The following PRKCQ variants were observed in gnomAD, a reference collection of about 807,000 sequenced individuals.
PRKCQ encodes protein kinase C theta, also known as protein kinase C theta type.
A neutral mutation model predicts 91.2 loss-of-function variants in PRKCQ; 41 were observed. That is an observed-to-expected ratio of 0.45 (90% CI 0.35 to 0.58). The LOEUF (loss-of-function observed/expected upper bound fraction) is 0.58, where lower values mean the gene tolerates loss of function less well. Ranked by LOEUF, PRKCQ falls within the 20% of genes least tolerant of loss-of-function variation. PRKCQ has a pLI of 0.00. For missense variants in PRKCQ, 673 were observed against 896.5 expected, an observed-to-expected ratio of 0.75 and a Z score of 3.18; for synonymous variants, 307 against 316.9, an observed-to-expected ratio of 0.97 and a Z score of 0.33.
intron 16 of PRKCQ, among the ~76,000 whole-genome samples, chr10:6,440,009 A>G (rs1337603128): frequency 6.6e-6 from 1 of 152,166 alleles, no homozygotes; most frequent in Non-Finnish European, 1.5e-5. Context: ...AGGTGATTGA[A>G]TCATGGGGGC....
chr10:6,462,307 A>T lies in PRKCQ; in HGVS notation c.1504T>A (p.Tyr502Asn). The T allele has an allele frequency of 6.2e-7, 1 of 1,613,584 alleles. No homozygotes were observed. Among genetic ancestry groups the T allele is most frequent in the Non-Finnish European group, 8.5e-7 (1 of 1,179,622 alleles). ...TTTCCACAAAGCAAAATTTACCTGT[A>T]GACTATTCCTTTGGAATGAAGGAAC... Reference protein sequence around the residue: ...LQFLHSKGIVYRDLKLDNILL... With the variant: ...LQFLHSKGIVNRDLKLDNILL... The change falls in exon 14 of 18, where the codon TAC becomes AAC. Residue 502 changes from tyrosine (Y) to asparagine (N), a missense_variant. Transcript: ENST00000263125.
At chr10:6,407,661 AATGT>A in the PRKCQ span, among the ~76,000 whole-genome samples, 1 of 150,942 alleles carries the variant, frequency 6.6e-6, no homozygotes, top group South Asian at 2.1e-4. The surrounding 1 kb of genome is among the most constrained non-coding windows in gnomAD (Gnocchi z 4.0). Context: ...CATGTGAATG[AATGT>A]GTGTGGTATG....
intron 1 of PRKCQ, among the ~76,000 whole-genome samples, chr10:6,554,765 AC>A (rs931753037): frequency 4.6e-5 from 7 of 152,226 alleles, no homozygotes; most frequent in African/African-American, 1.7e-4. Context: ...AAACAGAACT[AC>A]CATTTGAACC....
At chr10:6,575,419 T>C (rs1032943989) in intron 1 of PRKCQ, among the ~76,000 whole-genome samples, 5 of 152,224 alleles carry the variant, frequency 3.3e-5, no homozygotes, top group Admixed American at 2.6e-4. Context: ...ACTGATGCCA[T>C]GTTCACTTTA....
the PRKCQ span, among the ~76,000 whole-genome samples, chr10:6,414,598 T>A: frequency 6.6e-6 from 1 of 152,098 alleles, no homozygotes; most frequent in African/African-American, 2.4e-5. Flanking sequence ...ACACATTAAG[T>A]CTAGACATAA....
chr10:6,464,656 C>T (rs1405624236), intron 12 of PRKCQ, among the ~76,000 whole-genome samples: 1 of 152,160 alleles, frequency 6.6e-6, no homozygotes, highest in Non-Finnish European at 1.5e-5. Flanking sequence ...CCATGTTAGC[C>T]AGGCTGGTCT....
intron 1 of PRKCQ, among the ~76,000 whole-genome samples, chr10:6,543,842 G>C (rs1314696787): frequency 6.6e-6 from 1 of 152,180 alleles, no homozygotes; most frequent in Non-Finnish European, 1.5e-5. Context: ...CATCCTTCCT[G>C]GCTGGGATGA....
intron 12 of PRKCQ, among the ~76,000 whole-genome samples, chr10:6,466,594 A>G (rs957172247): frequency 2.6e-5 from 4 of 152,264 alleles, no homozygotes; most frequent in African/African-American, 9.6e-5. Flanking sequence ...GCACATACAA[A>G]CTACACAGTC....
intron 7 of PRKCQ, among the ~76,000 whole-genome samples, chr10:6,494,922 A>C (rs1038145136): frequency 6.6e-6 from 1 of 152,020 alleles, no homozygotes; most frequent in African/African-American, 2.4e-5. Context: ...AACTGGAAAA[A>C]TTCATCTCTC....
the PRKCQ span, among the ~76,000 whole-genome samples, chr10:6,398,770 T>C: frequency 6.6e-6 from 1 of 152,108 alleles, no homozygotes; most frequent in Non-Finnish European, 1.5e-5. Flanking sequence ...CTTTTCTTTT[T>C]TGAGACACAG....
chr10:6,508,422 A>C (rs1838306802), intron 3 of PRKCQ, among the ~76,000 whole-genome samples: 1 of 152,244 alleles, frequency 6.6e-6, no homozygotes, highest in African/African-American at 2.4e-5. Context: ...GTGGCTAAAT[A>C]ATTTTCTGGT....
chr10:6,550,011 G>T (rs554306187), intron 1 of PRKCQ, among the ~76,000 whole-genome samples: 33 of 152,214 alleles, frequency 2.2e-4, no homozygotes, highest in Non-Finnish European at 4.3e-4. Context: ...TTCATCTCCA[G>T]AACTTTTACA....
intron 1 of PRKCQ, among the ~76,000 whole-genome samples, chr10:6,538,002 G>A (rs1839647900): frequency 6.6e-6 from 1 of 152,196 alleles, no homozygotes; most frequent in African/African-American, 2.4e-5. Flanking sequence ...CTGCAAAACA[G>A]GAAGGAAAAG....
At chr10:6,496,978 A>G in intron 7 of PRKCQ, 57 bp downstream of exon 7, 1 of 1,488,422 alleles carries the variant, frequency 6.7e-7, no homozygotes, top group Non-Finnish European at 9.4e-7. Flanking sequence ...CGTGGGCTGT[A>G]ACATTTAACG....
chr10:6,437,211 C>A (rs901244757), intron 16 of PRKCQ, among the ~76,000 whole-genome samples: 1 of 152,162 alleles, frequency 6.6e-6, no homozygotes, highest in African/African-American at 2.4e-5. Flanking sequence ...ATGCCCTAAC[C>A]CACAATGTAA....
intron 11 of PRKCQ, among the ~76,000 whole-genome samples, chr10:6,482,187 A>G (rs1836639399): frequency 6.6e-6 from 1 of 152,200 alleles, no homozygotes; most frequent in African/African-American, 2.4e-5. Flanking sequence ...TGAAGTTCCA[A>G]TCCCCAGGAC....
At chr10:6,485,374 T>G (rs989894842) in intron 9 of PRKCQ, 105 bp from the exon 10 acceptor site, 2 of 857,256 alleles carry the variant, frequency 2.3e-6, no homozygotes, top group Admixed American at 3.5e-5. Flanking sequence ...TTTAAATGCA[T>G]AGGGTCAACA....
chr10:6,531,070 G>T (rs1232260744), intron 1 of PRKCQ, among the ~76,000 whole-genome samples: 1 of 152,016 alleles, frequency 6.6e-6, no homozygotes, highest in African/African-American at 2.4e-5. Flanking sequence ...TCTCAGAGAT[G>T]GTCCTGGAGA....
intron 4 of PRKCQ, among the ~76,000 whole-genome samples, chr10:6,505,417 TTTCCTTCC>T (rs200532272): frequency 7.2e-6 from 1 of 138,606 alleles, no homozygotes; most frequent in Non-Finnish European, 1.5e-5. Context: ...TCTTTCTTTC[TTTCCTTCC>T]TTCCTTTCTT....
Sources: gnomAD v4.1 joint callset for allele counts (sites outside exome capture counted in the v4.1 genomes callset) on GRCh38, gnomAD v4.1.1 for gene constraint, Gnocchi (gnomAD v3.1) non-coding constraint, MANE v1.5 for transcripts, NCBI Gene and HGNC (gene_info 2026-07-23, HGNC 2026-07-21) for gene names.